Variants in LRP1 observed in about 807,000 individuals in gnomAD.
The protein encoded by LRP1 is prolow-density lipoprotein receptor-related protein 1.
In LRP1, 51 loss-of-function variants were observed where a neutral mutation model predicts 541.5. That is an observed-to-expected ratio of 0.09 (90% confidence interval 0.08 to 0.12). The LOEUF is 0.12. Ranked by LOEUF, LRP1 falls within the 10% of genes least tolerant of loss-of-function variation. The probability of loss-of-function intolerance (pLI) is 1.00; values close to 1 mark genes in which losing one functional copy is unlikely to be tolerated. For missense variants in LRP1, 3,878 were observed against 6,376.2 expected (o/e 0.61, Z 13.34); for synonymous variants, 2,219 against 2,470.8 (o/e 0.90, Z 3.02).
chr12:57,131,661 G>A (rs2035041921), intron 1 of LRP1, among the ~76,000 whole-genome samples: 1 of 152,186 alleles, frequency 6.6e-6, no homozygotes, highest in African/African-American at 2.4e-5. Flanking sequence ...TTTAAAGCAA[G>A]AATGTGTAAG....
At chr12:57,198,716 G>C (rs1045867374) in intron 60 of LRP1, 46 bp downstream of exon 60, 1 of 1,544,574 alleles carries the variant, frequency 6.5e-7, no homozygotes, top group African/African-American at 1.4e-5. Context: ...ACTCAGTGGG[G>C]ATGGAGGTCT....
intron 20 of LRP1, among the ~76,000 whole-genome samples, chr12:57,170,387 G>T (rs1309387651): frequency 3.3e-5 from 5 of 152,156 alleles, no homozygotes; most frequent in Admixed American, 3.3e-4. Flanking sequence ...GTTTTAAAAG[G>T]CTGGGTGCAG....
At chr12:57,159,427 A>C (rs1183373296) in intron 11 of LRP1, among the ~76,000 whole-genome samples, 1 of 152,172 alleles carries the variant, frequency 6.6e-6, no homozygotes, top group Admixed American at 6.5e-5. Flanking sequence ...GTGAAAAATC[A>C]CTTCCTAATT....
intron 2 of LRP1, among the ~76,000 whole-genome samples, chr12:57,140,972 G>C (rs34485866): frequency 1.3e-5 from 2 of 152,100 alleles, no homozygotes; most frequent in Non-Finnish European, 2.9e-5. Flanking sequence ...GACCTCAAGT[G>C]ATCTGCCCGC....
chr12:57,198,145 C>T lies in LRP1; in HGVS notation c.9283-11C>T. On this transcript the variant is annotated splice_polypyrimidine_tract_variant and intron_variant, in intron 58 of 88. Coordinates refer to ENST00000243077, the MANE Select transcript of LRP1 (RefSeq NM_002332.3). ...CACCCAGAGCTCTCCCTCCCCTGCC[C>T]CTTCCTGCAGGTCCTACACCGTACA... 2 of 1,593,580 alleles carry T rather than the reference C, an allele frequency of 1.3e-6. No homozygotes were observed. The highest frequency in any genetic ancestry group is 1.7e-6 in the Non-Finnish European group (2 of 1,165,076).
Position 57,162,770 on chromosome 12 carries a change from C to T in LRP1, c.2405-88C>T. The T allele has an allele frequency of 7.1e-7, 1 of 1,409,362 alleles. No homozygotes were observed. The highest frequency in any genetic ancestry group is 9.6e-7 in the Non-Finnish European group (1 of 1,037,408). The allele number at this position is 1,409,362 out of a possible 1,614,324, so 87.3% of individuals were successfully genotyped here. A position where few individuals can be genotyped will look rare whatever the true frequency, so the allele number is the denominator to read the frequency against. On this transcript the variant is annotated intron_variant, in intron 14 of 88. Transcript: ENST00000243077. The surrounding 1 kb of genome is among the most constrained non-coding windows in gnomAD (Gnocchi z 5.2). ...TCCATATTTCCTCTTTCTGTCCCCA[C>T]ATCTTAATGTGTCTCCTCCCCTATC...
At chr12:57,136,721 G>A (rs945858257) in intron 1 of LRP1, among the ~76,000 whole-genome samples, 1 of 152,162 alleles carries the variant, frequency 6.6e-6, no homozygotes, top group Non-Finnish European at 1.5e-5. Flanking sequence ...GTGGGAATTC[G>A]GAGGACTGGT....
Position 57,201,280 on chromosome 12 carries a change from G to A in LRP1, c.10345+127G>A. 2 of 1,448,426 alleles carry A rather than the reference G, an allele frequency of 1.4e-6. No homozygotes were observed. The highest frequency in any genetic ancestry group is 9.4e-7 in the Non-Finnish European group (1 of 1,058,224). The allele number at this position is 1,448,426 out of a possible 1,614,324, so 89.7% of individuals were successfully genotyped here. A position where few individuals can be genotyped will look rare whatever the true frequency, so the allele number is the denominator to read the frequency against. ...TAGATGGGCAACACAAATTATATTG[G>A]GTGTAACTTGCTTTGCTCATAAAAA... On this transcript the variant is annotated intron_variant, in intron 65 of 88. Coordinates refer to ENST00000243077, the MANE Select transcript of LRP1 (RefSeq NM_002332.3). The surrounding 1 kb of genome is among the most constrained non-coding windows in gnomAD (Gnocchi z 6.4).
chr12:57,207,323 AAAAT>A (rs2036805574), intron 76 of LRP1, among the ~76,000 whole-genome samples: 5 of 135,254 alleles, frequency 3.7e-5, no homozygotes, highest in African/African-American at 1.4e-4. Context: ...ATAAATAAAT[AAAAT>A]AAAATAAAAT....
rs764671756 is a variant in LRP1, at chr12:57,181,316, C to G, written c.5662+25C>G. ...GGTCAGTGCCTGGCTTTCCTCCCAG[C>G]CTTGTCCCAGCTCCCCAACCCTGAC... On this transcript the variant is annotated intron_variant, in intron 34 of 88. Transcript: ENST00000243077. The G allele has an allele frequency of 1.9e-6, 3 of 1,599,602 alleles. No homozygotes were observed. The South Asian group carries it at 3.4e-5, about 18-fold the overall frequency.
At position 57,154,445 on chromosome 12, in the gene LRP1, G is replaced by T; in HGVS notation, c.1005-34G>T. 6.2e-7 allele frequency: 1 copy of T among 1,609,744 alleles called. No homozygotes were observed. The highest frequency in any genetic ancestry group is 8.5e-7 in the Non-Finnish European group (1 of 1,176,448). On this transcript the variant is annotated intron_variant, in intron 7 of 88. Transcript: ENST00000243077. The surrounding 1 kb of genome is among the most constrained non-coding windows in gnomAD (Gnocchi z 4.6). The stretch of plus-strand genomic sequence containing the variant: ...TACAGTGGTAAGGAGGGTGCCCAAT[G>T]TCCAGACCCCATTTAACATGCATCT...
rs1196980807 is a variant in LRP1, at chr12:57,189,645, G to A, written c.7032-1160G>A. On this transcript the variant is annotated intron_variant, in intron 42 of 88. Transcript: ENST00000243077. The surrounding 1 kb of genome is among the most constrained non-coding windows in gnomAD (Gnocchi z 4.4). ...GACCTGGAGAGGTCTGAGGAGACAA[G>A]TTCACAGGCCAGAGGACAGATCTGT... is the stretch of plus-strand genomic sequence containing the variant. Among the ~76,000 whole-genome samples, 1 of 151,798 alleles carries A rather than the reference G, an allele frequency of 6.6e-6. No individual in the cohort carries two copies. Among genetic ancestry groups the A allele is most frequent in the Non-Finnish European group, 1.5e-5 (1 of 67,970 alleles).
chr12:57,210,313 G>A lies in LRP1; in HGVS notation c.12587G>A (p.Arg4196Gln), dbSNP rs529586098. The change falls in exon 82 of 89, where the codon CGG becomes CAG. Residue 4196 changes from arginine (R) to glutamine (Q), a missense_variant. By Grantham distance (43) the Arg-to-Gln change is conservative. This residue lies in a region of LRP1 where 871 missense variants were observed against 1,212.4 expected (regional missense o/e 0.72). Transcript: ENST00000243077. ...PSPTPPPDAP[R>Q]PGTCNLQCFN... The stretch of plus-strand genomic sequence containing the variant: ...TGACGGGCCCTTCCTGCAGCTCCCC[G>A]GCCTGGAACCTGTAACCTGCAGTGC... The A allele has an allele frequency of 1.2e-5, 19 of 1,554,080 alleles. No individual in the cohort carries two copies. The highest frequency in any genetic ancestry group is 2.7e-5 in the African/African-American group (2 of 73,394).
chr12:57,191,192 G>A, intron 43 of LRP1, 128 bp from the exon 44 acceptor site: 1 of 1,135,528 alleles, frequency 8.8e-7, no homozygotes, highest in Non-Finnish European at 1.3e-6. Context: ...GCTAGACGAG[G>A]GAGATAGCAG....
At chr12:57,190,056 A>G (rs1292652204) in intron 42 of LRP1, among the ~76,000 whole-genome samples, 1 of 152,146 alleles carries the variant, frequency 6.6e-6, no homozygotes, top group Non-Finnish European at 1.5e-5. Context: ...CTTTACTGAG[A>G]GGAAACCAGG....
intron 34 of LRP1, 51 bp downstream of exon 34, chr12:57,181,342 C>T (rs201827098): frequency 5.8e-6 from 9 of 1,564,708 alleles, no homozygotes; most frequent in Middle Eastern, 1.9e-4. Context: ...CAACCCTGAC[C>T]CCTCCTACCC....
rs1370120042 is a variant in LRP1, at chr12:57,184,625, G to C, written c.6186+173G>C. Among the ~76,000 whole-genome samples the C allele has an allele frequency of 6.6e-6, 1 of 152,216 alleles. No individual in the cohort carries two copies. Among genetic ancestry groups the C allele is most frequent in the African/African-American group, 2.4e-5 (1 of 41,450 alleles). On this transcript the variant is annotated intron_variant, in intron 38 of 88. Coordinates refer to ENST00000243077, the MANE Select transcript of LRP1 (RefSeq NM_002332.3). The surrounding 1 kb of genome is among the most constrained non-coding windows in gnomAD (Gnocchi z 7.8). ...TGCTACCACAGAGATGATGGGCAGG[G>C]GTCGCTCAGAAGTGGGGAGTGGGGG...
chr12:57,203,227 C>A lies in LRP1; in HGVS notation c.10758C>A (p.Arg3586=). ...GTGAGTTCTCCTGTGCCAACGGCCG[C>A]TGCATCGCGGGGCGCTGGAAATGCG... is the stretch of plus-strand genomic sequence containing the variant. ...SESEFSCANG[R]CIAGRWKCDG... Residue 3586 remains arginine (R), a synonymous_variant, in exon 69 of 89, where the codon CGC becomes CGA. Coordinates refer to ENST00000243077, the MANE Select transcript of LRP1 (RefSeq NM_002332.3). The A allele has an allele frequency of 3.1e-6, 5 of 1,610,978 alleles. No individual in the cohort carries two copies. Among genetic ancestry groups the A allele is most frequent in the Non-Finnish European group, 4.2e-6 (5 of 1,178,716 alleles).
chr12:57,203,106 C>A (rs1334046376), intron 68 of LRP1, 75 bp from the exon 69 acceptor site: 2 of 1,097,008 alleles, frequency 1.8e-6, no homozygotes, highest in East Asian at 2.6e-5. Flanking sequence ...GCCTTGGGCT[C>A]GGGACTGTGG....
Sources: allele counts gnomAD v4.1 joint callset (sites outside exome capture counted in the v4.1 genomes callset), GRCh38; gene constraint gnomAD v4.1.1; regional missense constraint gnomAD v4.1.1; non-coding constraint Gnocchi (gnomAD v3.1); transcripts MANE v1.5; gene names NCBI Gene and HGNC (gene_info 2026-07-23, HGNC 2026-07-21).